The following PINX1 variants were observed in gnomAD, a reference collection of about 807,000 sequenced individuals.
PINX1 encodes the protein PIN2/TERF1-interacting telomerase inhibitor 1.
In PINX1, 34 loss-of-function variants were observed where a neutral mutation model predicts 25.4. The ratio of observed to expected loss-of-function variants is 1.34; its 90% CI spans 1.02 to 1.78. The LOEUF is 1.78. PINX1 is among the 40% of genes most tolerant of loss of function. The pLI is 0.00. For missense variants in PINX1, 592 were observed against 404.9 expected, an observed-to-expected ratio of 1.46 and a Z score of -3.97; for synonymous variants, 197 against 147.7, an observed-to-expected ratio of 1.33 and a Z score of -2.42.
At chr8:10,823,971 T>A (rs1376504984) in intron 5 of PINX1, among the ~76,000 whole-genome samples, 1 of 152,258 alleles carries the variant, frequency 6.6e-6, no homozygotes, top group Non-Finnish European at 1.5e-5. Flanking sequence ...CCTGTTTGAT[T>A]TCCTGGACGA....
chr8:10,819,278 C>T (rs1305203333), intron 6 of PINX1, among the ~76,000 whole-genome samples: 1 of 152,172 alleles, frequency 6.6e-6, no homozygotes, highest in East Asian at 1.9e-4. Flanking sequence ...AAACAAACCA[C>T]CACCCTAGAA....
chr8:10,801,128 G>C (rs988267884), intron 6 of PINX1, among the ~76,000 whole-genome samples: 3 of 152,154 alleles, frequency 2.0e-5, no homozygotes, highest in Non-Finnish European at 4.4e-5. Flanking sequence ...CCGAATTCCA[G>C]AACACAAAAA....
At chr8:10,794,290 A>T (rs1802015342) in intron 6 of PINX1, among the ~76,000 whole-genome samples, 1 of 152,254 alleles carries the variant, frequency 6.6e-6, no homozygotes, top group South Asian at 2.1e-4. Context: ...TTTAAAACAT[A>T]CAGATCTTAA....
chr8:10,816,644 G>A lies in PINX1; in HGVS notation c.471+3549C>T, dbSNP rs541601006. On this transcript the variant is annotated intron_variant, in intron 6 of 6. Transcript: ENST00000314787. The stretch of plus-strand genomic sequence containing the variant: ...CATTATTTTCCACAAAATAGCAACA[G>A]CCAATCATTTTCCCACAAAGTTACG... Among the ~76,000 whole-genome samples the A allele has an allele frequency of 3.9e-5, 6 of 152,316 alleles. No homozygotes were observed. In the South Asian group the frequency reaches 1.2e-3, roughly 32 times the overall value.
intron 6 of PINX1, among the ~76,000 whole-genome samples, chr8:10,799,030 T>G (rs1395723185): frequency 6.6e-6 from 1 of 152,192 alleles, no homozygotes; most frequent in Non-Finnish European, 1.5e-5. Context: ...GCAAGGAAAT[T>G]AGAGGTAAGA....
intron 6 of PINX1, among the ~76,000 whole-genome samples, chr8:10,780,353 T>G (rs1365023251): frequency 6.6e-6 from 1 of 152,206 alleles, no homozygotes; most frequent in Non-Finnish European, 1.5e-5. Flanking sequence ...ACTATGGGTT[T>G]TTCATAAGTG....
intron 6 of PINX1, among the ~76,000 whole-genome samples, chr8:10,770,612 G>A (rs1801193452): frequency 6.6e-6 from 1 of 152,196 alleles, no homozygotes; most frequent in East Asian, 1.9e-4. Context: ...ATTCAAACAT[G>A]TATACTGAGA....
At chr8:10,807,248 T>C (rs1802479580) in intron 6 of PINX1, among the ~76,000 whole-genome samples, 1 of 151,290 alleles carries the variant, frequency 6.6e-6, no homozygotes, top group African/African-American at 2.4e-5. Flanking sequence ...ACATAGCTCT[T>C]GAAAATTAAA....
chr8:10,773,114 T>C (rs561921647), intron 6 of PINX1, among the ~76,000 whole-genome samples: 43 of 152,348 alleles, frequency 2.8e-4, no homozygotes, highest in African/African-American at 1.0e-3. Flanking sequence ...TAAGTAAATA[T>C]TTACTGAATA....
chr8:10,819,177 A>C (rs1446318726), intron 6 of PINX1, among the ~76,000 whole-genome samples: 1 of 152,248 alleles, frequency 6.6e-6, no homozygotes, highest in African/African-American at 2.4e-5. Context: ...TAAAAGACCC[A>C]GGAATTCAGT....
chr8:10,794,157 C>A (rs576004563), intron 6 of PINX1, among the ~76,000 whole-genome samples: 1 of 152,228 alleles, frequency 6.6e-6, no homozygotes, highest in East Asian at 1.9e-4. Flanking sequence ...TATGAAGTGG[C>A]AGTGAAGGGG....
chr8:10,791,717 C>T (rs1472317098), intron 6 of PINX1, among the ~76,000 whole-genome samples: 3 of 152,238 alleles, frequency 2.0e-5, no homozygotes, highest in African/African-American at 7.2e-5. Flanking sequence ...TGCTGGCCCC[C>T]TGGCTTTCTA....
intron 6 of PINX1, among the ~76,000 whole-genome samples, chr8:10,783,083 T>C (rs552999761): frequency 6.6e-5 from 10 of 152,286 alleles, no homozygotes; most frequent in Admixed American, 2.0e-4. Flanking sequence ...ATTTAAAAGA[T>C]ATATCAACCA....
chr8:10,806,694 G>T (rs1802463307), intron 6 of PINX1, among the ~76,000 whole-genome samples: 1 of 152,120 alleles, frequency 6.6e-6, no homozygotes, highest in Admixed American at 6.5e-5. Context: ...AGAGAAACAT[G>T]TGAGGGAACA....
intron 6 of PINX1, 134 bp downstream of exon 6, chr8:10,820,059 C>T (rs1797818628): frequency 1.0e-5 from 7 of 671,124 alleles, no homozygotes; most frequent in Non-Finnish European, 1.7e-5. Context: ...CATATCTAGG[C>T]TGTGCATGAA....
chr8:10,834,683 C>A lies in PINX1; in HGVS notation c.112G>T (p.Gly38Trp). The A allele has an allele frequency of 6.2e-7, 1 of 1,613,634 alleles. No homozygotes were observed. The highest frequency in any genetic ancestry group is 2.2e-5 in the East Asian group (1 of 44,870). ...KFGQRMLEKM[G>W]WSKGKGLGAQ... Reference sequence around the variant, plus strand: ...CAAAATACCTTTCCTTTAGACCACCCCATCTTCTCTAGCATCCGCTGGCCA... The same window carrying A: ...CAAAATACCTTTCCTTTAGACCACCACATCTTCTCTAGCATCCGCTGGCCA... The change falls in exon 2 of 7, where the codon GGG (glycine) becomes TGG (tryptophan). Residue 38 changes from glycine (G) to tryptophan (W), a missense_variant. Coordinates refer to ENST00000314787, the MANE Select transcript of PINX1 (RefSeq NM_017884.6).
intron 6 of PINX1, among the ~76,000 whole-genome samples, chr8:10,778,060 T>C (rs1469643670): frequency 6.6e-6 from 1 of 152,140 alleles, no homozygotes; most frequent in Non-Finnish European, 1.5e-5. Flanking sequence ...TGCTTTGTTC[T>C]CCAACAAATA....
intron 6 of PINX1, among the ~76,000 whole-genome samples, chr8:10,804,294 C>T (rs767632540): frequency 6.6e-6 from 1 of 152,142 alleles, no homozygotes; most frequent in Non-Finnish European, 1.5e-5. Flanking sequence ...GTACCTAGCA[C>T]AGAAGAATTT....
intron 6 of PINX1, among the ~76,000 whole-genome samples, chr8:10,802,657 G>A (rs547974687): frequency 7.9e-5 from 12 of 152,214 alleles, no homozygotes; most frequent in African/African-American, 2.2e-4. Context: ...GCAGGGGCCC[G>A]GTGGAACCAG....
Sources: allele counts gnomAD v4.1 joint callset (sites outside exome capture counted in the v4.1 genomes callset), GRCh38; gene constraint gnomAD v4.1.1; transcripts MANE v1.5; gene names NCBI Gene and HGNC (gene_info 2026-07-23, HGNC 2026-07-21).